INTS6: variants seen among roughly 807,000 people sequenced by gnomAD.
INTS6 encodes DEAD box protein.
A neutral mutation model predicts 104.9 loss-of-function variants in INTS6; 16 were observed. That is an observed-to-expected ratio of 0.15 (90% CI 0.10 to 0.23). The LOEUF (loss-of-function observed/expected upper bound fraction) is 0.23. INTS6 is among the 10% of genes least tolerant of loss of function. The pLI is 1.00. For missense variants in INTS6, 584 were observed against 1,062.8 expected (o/e 0.55, Z 6.26); for synonymous variants, 324 against 358.7 (o/e 0.90, Z 1.09).
intron 3 of INTS6, chr13:51,450,231 G>T (rs555536041): frequency 7.1e-6 from 7 of 984,434 alleles, no homozygotes; most frequent in South Asian, 4.7e-5. Context: ...ATTATACATT[G>T]TTCAGTATCT....
downstream of INTS6, chr13:51,361,192 G>A: frequency 1.1e-6 from 1 of 874,452 alleles, no homozygotes; most frequent in South Asian, 1.5e-5. Context: ...TATAAATTTT[G>A]TAAGTACATT....
At chr13:51,373,341 T>G (rs1231776350) in intron 15 of INTS6, among the ~76,000 whole-genome samples, 3 of 152,170 alleles carry the variant, frequency 2.0e-5, no homozygotes, top group Admixed American at 1.3e-4. Flanking sequence ...ATTAATTCAT[T>G]AGGGTTTCCC....
intron 15 of INTS6, among the ~76,000 whole-genome samples, chr13:51,370,486 A>T (rs1312590735): frequency 6.6e-6 from 1 of 152,010 alleles, no homozygotes; most frequent in Non-Finnish European, 1.5e-5. Context: ...GCCCCTATCA[A>T]CTCCAGTGGG....
chr13:51,371,079 TACC>T (rs1009554813), intron 15 of INTS6, among the ~76,000 whole-genome samples: 5 of 152,194 alleles, frequency 3.3e-5, no homozygotes, highest in African/African-American at 1.2e-4. Context: ...CAAGCAGCAG[TACC>T]ACCAACAGAG....
downstream of INTS6, among the ~76,000 whole-genome samples, chr13:51,360,403 C>T (rs1358574014): frequency 2.0e-5 from 3 of 152,012 alleles, no homozygotes; most frequent in Non-Finnish European, 4.4e-5. Flanking sequence ...CAGGTGAGTT[C>T]ACAGCTCACT....
At chr13:51,406,234 A>G (rs952887390) in intron 4 of INTS6, among the ~76,000 whole-genome samples, 1 of 152,122 alleles carries the variant, frequency 6.6e-6, no homozygotes, top group Non-Finnish European at 1.5e-5. Context: ...ATCAAATAAT[A>G]AAAACTGTAT....
chr13:51,414,185 G>C (rs1479847503), intron 4 of INTS6, among the ~76,000 whole-genome samples: 1 of 152,190 alleles, frequency 6.6e-6, no homozygotes. Context: ...TCAGATAAAA[G>C]CAAAGATAGA....
chr13:51,448,626 A>G (rs1952971893), intron 3 of INTS6: 1 of 152,204 alleles, frequency 6.6e-6, no homozygotes, highest in Admixed American at 6.5e-5. Flanking sequence ...GAAAAATCAT[A>G]TATGTGCATA....
the INTS6 span, chr13:51,348,325 C>A: frequency 1.4e-5 from 22 of 1,613,908 alleles, no homozygotes; most frequent in Non-Finnish European, 1.9e-5. Flanking sequence ...CCCCCCTGAG[C>A]CACATCGAGC....
chr13:51,380,034 C>T (rs1956015275), intron 10 of INTS6, among the ~76,000 whole-genome samples: 1 of 152,014 alleles, frequency 6.6e-6, no homozygotes, highest in African/African-American at 2.4e-5. Context: ...CTTAGTTTCT[C>T]ATTTGTAAAA....
chr13:51,408,475 A>C (rs1956618894), intron 4 of INTS6, among the ~76,000 whole-genome samples: 1 of 152,202 alleles, frequency 6.6e-6, no homozygotes, highest in African/African-American at 2.4e-5. Context: ...CAGAAAGTTC[A>C]TTTAAAGCAC....
Position 51,452,770 on chromosome 13 carries a change from TG to T in INTS6, c.-246del. 1 of 1,214,290 alleles carries T rather than the reference TG, an allele frequency of 8.2e-7. No homozygotes were observed. The highest frequency in any genetic ancestry group is 1.0e-6 in the Non-Finnish European group (1 of 970,122). The allele number at this position is 1,214,290 out of a possible 1,614,324, so 75.2% of individuals were successfully genotyped here. A position where few individuals can be genotyped will look rare whatever the true frequency, so the allele number is the denominator to read the frequency against. On this transcript the variant is annotated 5_prime_UTR_variant, in exon 1 of 18. Transcript: ENST00000311234. This position sits in a 1 kb window ranked among gnomAD's most constrained non-coding sequence, Gnocchi z 4.2. ...CGCCTCCTCCTGCCTGCCTGCCCGC[TG>T]GGGCGGGCGCCCAGCCGTCTGTCTG...
chr13:51,348,255 A>G, the INTS6 span: 4 of 1,605,880 alleles, frequency 2.5e-6, no homozygotes, highest in Admixed American at 5.1e-5. Flanking sequence ...GGGGTGCTGG[A>G]GCTTCCTTAC....
In INTS6 at chr13:51,376,123, G is replaced by C; in HGVS notation, c.1654C>G (p.Leu552Val). The change falls in exon 13 of 18, where the codon CTT (leucine) becomes GTT (valine). Residue 552 changes from leucine (L) to valine (V), a missense_variant. Leu to Val is a conservative substitution (Grantham distance 32). This residue lies in a region of INTS6 where 296 missense variants were observed against 437.0 expected (regional missense o/e 0.68). Transcript: ENST00000311234. ...CTCATTCTTGTTAAGTGATCCAAAA[G>C]ATTTCGTCTTGGTATGTCATAAGCA... Reference protein sequence around the residue: ...RNAYDIPRRNLLDHLTRMRSN... With the variant: ...RNAYDIPRRNVLDHLTRMRSN... 6.2e-7 allele frequency: 1 copy of C among 1,612,184 alleles called. No individual in the cohort carries two copies. Among genetic ancestry groups the C allele is most frequent in the Non-Finnish European group, 8.5e-7 (1 of 1,179,142 alleles).
intron 6 of INTS6, among the ~76,000 whole-genome samples, chr13:51,387,753 T>C (rs371087856): frequency 6.6e-6 from 1 of 152,186 alleles, no homozygotes; most frequent in East Asian, 1.9e-4. Flanking sequence ...ATTCCAACTA[T>C]GAGTTCGCCA....
intron 4 of INTS6, among the ~76,000 whole-genome samples, chr13:51,404,477 G>C (rs1461575451): frequency 1.3e-5 from 2 of 151,988 alleles, no homozygotes; most frequent in Non-Finnish European, 2.9e-5. Flanking sequence ...CATACATAGA[G>C]AATACAAACA....
chr13:51,369,175 C>A lies in INTS6; in HGVS notation c.2240G>T (p.Arg747Leu). ...SASSPASLLERPTNHMEALGH... is the reference protein window; with the variant it reads ...SASSPASLLELPTNHMEALGH... ...AAGAGCCTCCATATGATTGGTTGGC[C>A]GTTCCAGTAAACTGGCTGGAGAAGA... The change falls in exon 16 of 18, where the codon CGG becomes CTG. Residue 747 changes from arginine (R) to leucine (L), a missense_variant. Physicochemically the swap from Arg to Leu is moderately radical, Grantham distance 102. This residue lies in a region of INTS6 where 296 missense variants were observed against 437.0 expected (regional missense o/e 0.68). Coordinates refer to ENST00000311234, the MANE Select transcript of INTS6 (RefSeq NM_012141.3). 6.2e-7 allele frequency: 1 copy of A among 1,613,792 alleles called. No homozygotes were observed. The highest frequency in any genetic ancestry group is 8.5e-7 in the Non-Finnish European group (1 of 1,179,828).
chr13:51,387,613 C>CA, intron 6 of INTS6, 73 bp from the exon 7 acceptor site: 1 of 1,114,332 alleles, frequency 9.0e-7, no homozygotes, highest in Non-Finnish European at 1.2e-6. Context: ...TAAATTATAT[C>CA]AATTATTACT....
chr13:51,437,425 T>C (rs1952711461), intron 3 of INTS6: 1 of 152,114 alleles, frequency 6.6e-6, no homozygotes, highest in South Asian at 2.1e-4. Context: ...GGTTACTTCC[T>C]TCTACACATC....
Sources: gnomAD v4.1 joint callset for allele counts (sites outside exome capture counted in the v4.1 genomes callset) on GRCh38, gnomAD v4.1.1 for gene constraint, gnomAD v4.1.1 regional missense constraint, Gnocchi (gnomAD v3.1) non-coding constraint, MANE v1.5 for transcripts, NCBI Gene and HGNC (gene_info 2026-07-23, HGNC 2026-07-21) for gene names.